PDPN: variants seen among roughly 807,000 people sequenced by gnomAD.
The protein encoded by PDPN is PA2.26 antigen.
In PDPN, 12 loss-of-function variants were observed where a neutral mutation model predicts 23.2. The observed-to-expected ratio is 0.52, with a 90% CI of 0.33 to 0.84. The LOEUF is 0.84. Among genes scored for constraint, PDPN ranks in the 40% least tolerant of loss-of-function variants. The pLI is 0.02. For missense variants in PDPN, 199 were observed against 212.2 expected (o/e 0.94, Z 0.39); for synonymous variants, 77 against 76.7 (o/e 1.00, Z -0.02).
At chr1:13,589,965 T>C (rs6689449) in intron 1 of PDPN, among the ~76,000 whole-genome samples, 21,490 of 152,148 alleles carry the variant, frequency 0.14, 1,936 homozygotes, top group East Asian at 0.48. Flanking sequence ...GTAGCTGGGA[T>C]TACAGGCATG....
intron 1 of PDPN, among the ~76,000 whole-genome samples, chr1:13,606,088 C>T (rs1640782750): frequency 6.6e-6 from 1 of 151,964 alleles, no homozygotes; most frequent in East Asian, 1.9e-4. Flanking sequence ...TTCCTGGATT[C>T]AAGCAATTTT....
At chr1:13,613,661 A>C (rs762612895) in intron 3 of PDPN, 26 bp from the exon 4 acceptor site, 5 of 1,131,144 alleles carry the variant, frequency 4.4e-6, no homozygotes, top group Non-Finnish European at 6.7e-6. Context: ...TAATAATTCT[A>C]CATTATTATA....
chr1:13,600,620 C>T (rs1640619043), intron 1 of PDPN, among the ~76,000 whole-genome samples: 2 of 152,184 alleles, frequency 1.3e-5, no homozygotes, highest in Non-Finnish European at 2.9e-5. Flanking sequence ...CTGCCTTGGC[C>T]TCCCAAAGTG....
chr1:13,583,771 C>A, upstream of PDPN: 1 of 1,503,302 alleles, frequency 6.7e-7, no homozygotes, highest in Non-Finnish European at 8.9e-7. Flanking sequence ...CACCTTGCGG[C>A]CGACCCCGCT....
chr1:13,602,987 T>C (rs1273386270), intron 1 of PDPN, among the ~76,000 whole-genome samples: 1 of 151,870 alleles, frequency 6.6e-6, no homozygotes, highest in East Asian at 1.9e-4. Context: ...AAGAGCAGCC[T>C]GGGCAATGTA....
intron 2 of PDPN, 59 bp from the exon 3 acceptor site, chr1:13,610,328 A>G (rs2100276023): frequency 6.8e-7 from 1 of 1,461,148 alleles, no homozygotes; most frequent in Non-Finnish European, 9.5e-7. Context: ...AAGGCAGGGG[A>G]TATATTTTAA....
chr1:13,613,546 T>G lies in PDPN; in HGVS notation c.332-141T>G, dbSNP rs1640988540. On this transcript the variant is annotated intron_variant, in intron 3 of 5. Coordinates refer to ENST00000621990, the MANE Select transcript of PDPN (RefSeq NM_006474.5). ...ACATCGGGGCTTGTTTAAAAATCCC[T>G]GGATCCAATTTATTTAAGAAGCCAT... 6 of 638,954 alleles carry G rather than the reference T, an allele frequency of 9.4e-6. No individual in the cohort carries two copies. In the Admixed American group the frequency reaches 1.5e-4, roughly 16 times the overall value. 39.6% of individuals were successfully genotyped at this position (638,954 alleles called of 1,614,324 possible). A position where few individuals can be genotyped will look rare whatever the true frequency, so the allele number is the denominator to read the frequency against.
At chr1:13,610,811 A>G (rs1208603472) in intron 3 of PDPN, among the ~76,000 whole-genome samples, 1 of 152,004 alleles carries the variant, frequency 6.6e-6, no homozygotes, top group Non-Finnish European at 1.5e-5. Flanking sequence ...TGTGACGTGA[A>G]GAACTTTGTG....
Position 13,598,637 on chromosome 1 carries a change from A to G in PDPN, c.68-8536A>G, listed in dbSNP as rs187905388. ...GAAACCCCATCCTTAAAACAGTTCT[A>G]CCGAACCACCGCTCCACACCTCTCA... On this transcript the variant is annotated intron_variant, in intron 1 of 5. Coordinates refer to ENST00000621990, the MANE Select transcript of PDPN (RefSeq NM_006474.5). 1.4e-4 allele frequency among the ~76,000 whole-genome samples: 22 copies of G among 151,980 alleles called. No individual in the cohort carries two copies. In the East Asian group the frequency reaches 3.3e-3, roughly 23 times the overall value.
intron 3 of PDPN, among the ~76,000 whole-genome samples, chr1:13,612,838 G>C (rs972974642): frequency 2.0e-5 from 3 of 152,042 alleles, no homozygotes; most frequent in African/African-American, 7.2e-5. Flanking sequence ...GGGGTATTTT[G>C]CAAGCTGTGA....
At chr1:13,590,726 G>T (rs2100211595) in intron 1 of PDPN, among the ~76,000 whole-genome samples, 1 of 152,222 alleles carries the variant, frequency 6.6e-6, no homozygotes, top group East Asian at 1.9e-4. Context: ...TCCGTGCTGA[G>T]TGGAAGAGGC....
chr1:13,589,887 G>A (rs1340535040), intron 1 of PDPN, among the ~76,000 whole-genome samples: 2 of 152,198 alleles, frequency 1.3e-5, no homozygotes, highest in Admixed American at 6.5e-5. Context: ...GAGTGCAGTG[G>A]TGCGATCCCA....
At chr1:13,603,208 T>C in intron 1 of PDPN, among the ~76,000 whole-genome samples, 1 of 151,930 alleles carries the variant, frequency 6.6e-6, no homozygotes, top group Non-Finnish European at 1.5e-5. Flanking sequence ...CATGGTGAAA[T>C]GCCATCTCTA....
At chr1:13,604,118 TTG>T (rs1228733933) in intron 1 of PDPN, among the ~76,000 whole-genome samples, 1 of 152,164 alleles carries the variant, frequency 6.6e-6, no homozygotes, top group Non-Finnish European at 1.5e-5. Context: ...GTAGAAACAA[TTG>T]TGTGTCTGCA....
rs1308201522 is a variant in PDPN, at chr1:13,610,519, A to G, written c.331+3A>G. Reference sequence around the variant, plus strand: ...CGTGGCCACCAGTCACTCCACGGGTAAGAAAACCAGCCACCTCCATGGGGG... The same window carrying G: ...CGTGGCCACCAGTCACTCCACGGGTGAGAAAACCAGCCACCTCCATGGGGG... On this transcript the variant is annotated splice_donor_region_variant and intron_variant, in intron 3 of 5. Transcript: ENST00000621990. 6 of 1,612,176 alleles carry G rather than the reference A, an allele frequency of 3.7e-6. No individual in the cohort carries two copies. The East Asian group carries it at 1.1e-4, about 30-fold the overall frequency.
At position 13,616,093 on chromosome 1, in the gene PDPN, G is replaced by A. The variant is rs1641068063; in HGVS notation, c.*182G>A. 3 of 624,008 alleles carry A rather than the reference G, an allele frequency of 4.8e-6. No homozygotes were observed. The highest frequency in any genetic ancestry group is 5.8e-6 in the Non-Finnish European group (2 of 345,094). The allele number at this position is 624,008 out of a possible 1,614,324, so 38.7% of individuals were successfully genotyped here. A position where few individuals can be genotyped will look rare whatever the true frequency, so the allele number is the denominator to read the frequency against. On this transcript the variant is annotated 3_prime_UTR_variant, in exon 6 of 6. Coordinates refer to ENST00000621990, the MANE Select transcript of PDPN (RefSeq NM_006474.5). ...GAAGGAAAGACCGTTCACCAGACTT[G>A]GCTCCTCTAAACATTTGCTGTTCAA...
intron 2 of PDPN, 69 bp downstream of exon 2, chr1:13,607,375 T>TAAAG: frequency 8.9e-7 from 1 of 1,124,916 alleles, no homozygotes; most frequent in Non-Finnish European, 1.2e-6. Context: ...ATGATGTATA[T>TAAAG]TAATTTACTT....
rs1178797166 is a variant in PDPN at position 13,583,832 on chromosome 1, A to G, written c.-202A>G. The G allele has an allele frequency of 5.1e-6, 8 of 1,568,020 alleles. No homozygotes were observed. The highest frequency in any genetic ancestry group is 1.2e-5 in the South Asian group (1 of 84,148). On this transcript the variant is annotated 5_prime_UTR_variant, in exon 1 of 6. Coordinates refer to ENST00000621990, the MANE Select transcript of PDPN (RefSeq NM_006474.5). ...TGCTGACTCCGCTCGGAAAGTTCTCAACTGCAAAGTTTGCTGTCCGGCTGC... is the reference window on the plus strand; with the variant it reads ...TGCTGACTCCGCTCGGAAAGTTCTCGACTGCAAAGTTTGCTGTCCGGCTGC...
Position 13,617,299 on chromosome 1 carries a change from C to T in PDPN, c.*1388C>T, listed in dbSNP as rs2100298119. On this transcript the variant is annotated 3_prime_UTR_variant, in exon 6 of 6. Transcript: ENST00000621990. ...GTAAACTATCATTCGGAAGCACAGC[C>T]CATTCCTCCCATTTTTTGCAATGAT... The T allele has an allele frequency of 6.6e-6, 1 of 152,254 alleles. No homozygotes were observed. The highest frequency in any genetic ancestry group is 2.1e-4 in the South Asian group (1 of 4,822). The allele number at this position is 152,254 out of a possible 1,614,324, so 9.4% of individuals were successfully genotyped here.
Sources: gnomAD v4.1 joint callset for allele counts (sites outside exome capture counted in the v4.1 genomes callset) on GRCh38, gnomAD v4.1.1 for gene constraint, MANE v1.5 for transcripts, NCBI Gene and HGNC (gene_info 2026-07-23, HGNC 2026-07-21) for gene names.